The following FADS2 variants were observed in gnomAD, a reference collection of about 807,000 sequenced individuals.
FADS2 encodes acyl-CoA 6-desaturase.
FADS2 carries 18 observed loss-of-function variants against 61.2 expected under a neutral mutation model. That is an observed-to-expected ratio of 0.29 (90% CI 0.20 to 0.44). The LOEUF (loss-of-function observed/expected upper bound fraction) is 0.44, where lower values mean the gene tolerates loss of function less well. Among genes scored for constraint, FADS2 ranks in the 20% least tolerant of loss-of-function variants. FADS2 has a pLI of 1.00. For missense variants in FADS2, 322 were observed against 572.7 expected, an observed-to-expected ratio of 0.56 and a Z score of 4.47; for synonymous variants, 203 against 223.9, an observed-to-expected ratio of 0.91 and a Z score of 0.83.
At chr11:61,838,651 C>A (rs1475374484) in intron 2 of FADS2, among the ~76,000 whole-genome samples, 1 of 152,162 alleles carries the variant, frequency 6.6e-6, no homozygotes, top group Admixed American at 6.5e-5. Flanking sequence ...TCCCCCACCA[C>A]CCCCATTGCC....
At chr11:61,840,203 C>A in intron 2 of FADS2, 131 bp from the exon 3 acceptor site, 1 of 738,946 alleles carries the variant, frequency 1.4e-6, no homozygotes, top group Non-Finnish European at 2.4e-6. Context: ...AGGGTCGAGG[C>A]TTGTGGCTTG....
At position 61,840,451 on chromosome 11, in the gene FADS2, A is replaced by T; in HGVS notation, c.436A>T (p.Ile146Phe). The T allele has an allele frequency of 3.7e-6, 6 of 1,614,146 alleles. No individual in the cohort carries two copies. The highest frequency in any genetic ancestry group is 5.1e-6 in the Non-Finnish European group (6 of 1,180,026). The change falls in exon 3 of 12, where the codon ATT (isoleucine) becomes TTT (phenylalanine). Residue 146 changes from isoleucine to phenylalanine, a missense_variant. Physicochemically the swap from Ile to Phe is conservative, Grantham distance 21. Around this residue, in one of 3 missense-constraint regions of FADS2, gnomAD observed 221 missense variants for 427.9 expected, o/e 0.52. Coordinates refer to ENST00000278840, the MANE Select transcript of FADS2 (RefSeq NM_004265.4). The part of the protein sequence containing the change: ...LLAHIIALES[I>F]AWFTVFYFGN... ...GGCCCACATCATCGCCCTGGAGAGCATTGCATGGTTCACTGTCTTTTACTT... is the reference window on the plus strand; with the variant it reads ...GGCCCACATCATCGCCCTGGAGAGCTTTGCATGGTTCACTGTCTTTTACTT...
chr11:61,853,255 T>C (rs1151141), intron 5 of FADS2, among the ~76,000 whole-genome samples: 20 of 130,122 alleles, frequency 1.5e-4, no homozygotes, highest in African/African-American at 5.3e-4. Context: ...CTCTCTCTCT[T>C]TCTTTCTCTC....
intron 2 of FADS2, among the ~76,000 whole-genome samples, chr11:61,838,925 C>T (rs1302055430): frequency 3.3e-5 from 5 of 152,152 alleles, no homozygotes; most frequent in Non-Finnish European, 7.4e-5. Context: ...CTCTCCACTG[C>T]TCTCCCTTTC....
rs1433142375 is a variant in FADS2, at chr11:61,840,550, A to C, written c.516+19A>C. The stretch of plus-strand genomic sequence containing the variant: ...CTCTCAGGTGAGGCGTGACACCCTC[A>C]CTTCCCCTAGCTGACAGAGGCCTGG... On this transcript the variant is annotated intron_variant, in intron 3 of 11. Coordinates refer to ENST00000278840, the MANE Select transcript of FADS2 (RefSeq NM_004265.4). The C allele has an allele frequency of 2.5e-6, 4 of 1,613,910 alleles. No individual in the cohort carries two copies. The highest frequency in any genetic ancestry group is 2.5e-6 in the Non-Finnish European group (3 of 1,179,862).
At chr11:61,849,469 A>G (rs1457614423) in intron 5 of FADS2, among the ~76,000 whole-genome samples, 1 of 152,118 alleles carries the variant, frequency 6.6e-6, no homozygotes, top group Non-Finnish European at 1.5e-5. Context: ...GCCTAGTCTC[A>G]GTTATTGGGG....
intron 1 of FADS2, among the ~76,000 whole-genome samples, chr11:61,836,698 CT>C (rs2067177577): frequency 6.6e-6 from 1 of 152,236 alleles, no homozygotes; most frequent in Admixed American, 6.5e-5. Flanking sequence ...TCATTTTAGT[CT>C]CTTTTAATCT....
At chr11:61,851,394 G>A (rs947991050) in intron 5 of FADS2, among the ~76,000 whole-genome samples, 2 of 152,236 alleles carry the variant, frequency 1.3e-5, no homozygotes, top group Non-Finnish European at 2.9e-5. Context: ...ATAGGGGTGG[G>A]AGGCTGTGAG....
chr11:61,823,871 G>A (rs2067050252), upstream of FADS2, among the ~76,000 whole-genome samples: 1 of 152,090 alleles, frequency 6.6e-6, no homozygotes, highest in Admixed American at 6.6e-5. Context: ...ATCTAAATTT[G>A]ATGCACTTAC....
rs200893267 is a variant in FADS2 at position 61,828,358 on chromosome 11, G to A, written c.-33G>A. 246 of 1,546,618 alleles carry A rather than the reference G, an allele frequency of 1.6e-4. No individual in the cohort carries two copies. Among genetic ancestry groups the A allele is most frequent in the Non-Finnish European group, 1.9e-4 (217 of 1,145,716 alleles). The stretch of plus-strand genomic sequence containing the variant: ...AGCGAGCAGCCGGCGCGGGGAGGCC[G>A]CAGTGCACGGGGCGTCACAGTCGGC... On this transcript the variant is annotated 5_prime_UTR_variant, in exon 1 of 12. Coordinates refer to ENST00000278840, the MANE Select transcript of FADS2 (RefSeq NM_004265.4). This position sits in a 1 kb window ranked among gnomAD's most constrained non-coding sequence, Gnocchi z 6.4.
chr11:61,820,746 A>C (rs2067030910), intron 1 of FADS2, among the ~76,000 whole-genome samples: 1 of 151,914 alleles, frequency 6.6e-6, no homozygotes, highest in African/African-American at 2.4e-5. Flanking sequence ...CTAAAATACA[A>C]AAATTAGCCG....
intron 5 of FADS2, chr11:61,849,825 T>G (rs1243304644): frequency 6.6e-6 from 1 of 150,738 alleles, no homozygotes; most frequent in Non-Finnish European, 1.5e-5. Context: ...AGCCCAGGAG[T>G]TCAAGACCAG....
chr11:61,838,165 T>C (rs2067190266), intron 2 of FADS2, among the ~76,000 whole-genome samples: 2 of 152,088 alleles, frequency 1.3e-5, no homozygotes, highest in South Asian at 4.1e-4. Flanking sequence ...GATGACAATC[T>C]AGGGGAAAGA....
At chr11:61,824,735 G>A (rs1009226409), upstream of FADS2, among the ~76,000 whole-genome samples, 78 of 152,058 alleles carry the variant, frequency 5.1e-4, 1 homozygote, top group Admixed American at 3.7e-3. Context: ...TAACTCAGCC[G>A]TCTGATAACA....
chr11:61,820,150 G>A (rs1238664449), intron 1 of FADS2, among the ~76,000 whole-genome samples: 1 of 151,912 alleles, frequency 6.6e-6, no homozygotes, highest in East Asian at 1.9e-4. Context: ...CTGCACCTCA[G>A]AAAAAACCAA....
At chr11:61,863,567 G>T (rs2067435417) in intron 9 of FADS2, 140 bp from the exon 10 acceptor site, 5 of 780,402 alleles carry the variant, frequency 6.4e-6, no homozygotes, top group Non-Finnish European at 8.6e-6. Context: ...GGGGCATCTG[G>T]GTGGGCTGAG....
At chr11:61,831,452 A>G (rs1273097674) in intron 1 of FADS2, among the ~76,000 whole-genome samples, 1 of 152,176 alleles carries the variant, frequency 6.6e-6, no homozygotes, top group African/African-American at 2.4e-5. Context: ...TTCTTGGGAC[A>G]ATCCTCGAAG....
intron 5 of FADS2, among the ~76,000 whole-genome samples, chr11:61,852,301 C>T (rs2135970860): frequency 6.6e-6 from 1 of 152,312 alleles, no homozygotes; most frequent in Admixed American, 6.5e-5. Flanking sequence ...TGCTCTGTCA[C>T]CTTGGCTAGA....
chr11:61,865,585 CT>C lies in FADS2; in HGVS notation c.1284-52del. The C allele has an allele frequency of 6.4e-7, 1 of 1,554,310 alleles. No homozygotes were observed. Among genetic ancestry groups the C allele is most frequent in the Non-Finnish European group, 8.9e-7 (1 of 1,129,592 alleles). On this transcript the variant is annotated intron_variant, in intron 11 of 11. Coordinates refer to ENST00000278840, the MANE Select transcript of FADS2 (RefSeq NM_004265.4). The surrounding 1 kb of genome is among the most constrained non-coding windows in gnomAD (Gnocchi z 4.1). The stretch of plus-strand genomic sequence containing the variant: ...ATGGCCTCCTCAGCCCTTGCACTCC[CT>C]GGGGCCACTCCCGTCCTGGTCCCTG...
Sources: allele counts gnomAD v4.1 joint callset (sites outside exome capture counted in the v4.1 genomes callset), GRCh38; gene constraint gnomAD v4.1.1; regional missense constraint gnomAD v4.1.1; non-coding constraint Gnocchi (gnomAD v3.1); transcripts MANE v1.5; gene names NCBI Gene and HGNC (gene_info 2026-07-23, HGNC 2026-07-21).